NXPH1: variants seen among roughly 807,000 people sequenced by gnomAD.
NXPH1 encodes the protein neurexophilin-1.
NXPH1 carries 5 observed loss-of-function variants against 23.7 expected under a neutral mutation model. The ratio of observed to expected loss-of-function variants is 0.21; its 90% confidence interval spans 0.11 to 0.44. The LOEUF (loss-of-function observed/expected upper bound fraction) is 0.44. NXPH1 is among the 20% of genes least tolerant of loss of function. NXPH1 has a pLI of 0.99. For missense variants in NXPH1, 324 were observed against 321.6 expected (o/e 1.01, Z -0.06); for synonymous variants, 144 against 122.2 (o/e 1.18, Z -1.18).
chr7:8,719,134 C>T (rs1409302684), intron 2 of NXPH1, among the ~76,000 whole-genome samples: 1 of 152,208 alleles, frequency 6.6e-6, no homozygotes, highest in African/African-American at 2.4e-5. Flanking sequence ...TTTATAGTCT[C>T]TTAAAAATTT....
intron 2 of NXPH1, among the ~76,000 whole-genome samples, chr7:8,588,768 C>G (rs1268247464): frequency 1.3e-5 from 2 of 152,046 alleles, no homozygotes; most frequent in Non-Finnish European, 2.9e-5. Flanking sequence ...CCACCCTCCT[C>G]TAATTGGTGC....
chr7:8,692,080 T>C (rs1262120310), intron 2 of NXPH1, among the ~76,000 whole-genome samples: 1 of 151,706 alleles, frequency 6.6e-6, no homozygotes, highest in Non-Finnish European at 1.5e-5. Context: ...CAGAAGATGG[T>C]CAGGGAGGTT....
At chr7:8,640,993 T>G (rs1035300662) in intron 2 of NXPH1, among the ~76,000 whole-genome samples, 14 of 152,166 alleles carry the variant, frequency 9.2e-5, no homozygotes, top group African/African-American at 2.2e-4. Context: ...TAAAAAGTGT[T>G]ATTTATATTA....
chr7:8,717,359 C>G (rs1395894655), intron 2 of NXPH1, among the ~76,000 whole-genome samples: 4 of 152,096 alleles, frequency 2.6e-5, no homozygotes, highest in Admixed American at 2.6e-4. Context: ...CAAAGCAGAA[C>G]AGTTCTGAGA....
At chr7:8,448,962 G>A (rs1180244398) in intron 2 of NXPH1, among the ~76,000 whole-genome samples, 2 of 152,110 alleles carry the variant, frequency 1.3e-5, no homozygotes, top group Non-Finnish European at 2.9e-5. Flanking sequence ...ATTCCATGTG[G>A]CAAACACTAT....
At chr7:8,687,756 A>C (rs1460660529) in intron 2 of NXPH1, among the ~76,000 whole-genome samples, 1 of 152,188 alleles carries the variant, frequency 6.6e-6, no homozygotes, top group African/African-American at 2.4e-5. Context: ...GTGCTGGTAC[A>C]TGGTAATGTT....
chr7:8,435,369 G>A lies in NXPH1; in HGVS notation c.-110-235G>A, dbSNP rs1300380687. The A allele has an allele frequency of 1.6e-5, 6 of 375,838 alleles. No homozygotes were observed. The highest frequency in any genetic ancestry group is 1.3e-4 in the African/African-American group (6 of 47,366). The allele number at this position is 375,838 out of a possible 1,614,324, so 23.3% of individuals were successfully genotyped here. A position where few individuals can be genotyped will look rare whatever the true frequency, so the allele number is the denominator to read the frequency against. Reference sequence around the variant, plus strand: ...GCCTGGGAACTCGCACCCGAGGAGCGCAGGGGGCAAGGAGCCCCTCACCCT... The same window carrying A: ...GCCTGGGAACTCGCACCCGAGGAGCACAGGGGGCAAGGAGCCCCTCACCCT... On this transcript the variant is annotated intron_variant, in intron 1 of 2. Coordinates refer to ENST00000405863, the MANE Select transcript of NXPH1 (RefSeq NM_152745.3). This position sits in a 1 kb window ranked among gnomAD's most constrained non-coding sequence, Gnocchi z 5.9.
chr7:8,586,442 A>G (rs1363272723), intron 2 of NXPH1, among the ~76,000 whole-genome samples: 1 of 152,084 alleles, frequency 6.6e-6, no homozygotes, highest in Non-Finnish European at 1.5e-5. Context: ...ATGCAAGTAG[A>G]GACCACAGGA....
intron 2 of NXPH1, among the ~76,000 whole-genome samples, chr7:8,598,315 T>A (rs1004912165): frequency 6.6e-6 from 1 of 152,098 alleles, no homozygotes; most frequent in Non-Finnish European, 1.5e-5. Flanking sequence ...CCTTTTATAA[T>A]TCACCCCGTC....
rs75231806 is a variant in NXPH1 at position 8,643,500 on chromosome 7, C to A, written c.55-107508C>A. Among the ~76,000 whole-genome samples, 125 of 152,224 alleles carry A rather than the reference C, an allele frequency of 8.2e-4. 7 individuals are homozygous for A. The East Asian group carries it at 0.017, about 21-fold the overall frequency. On this transcript the variant is annotated intron_variant, in intron 2 of 2. Coordinates refer to ENST00000405863, the MANE Select transcript of NXPH1 (RefSeq NM_152745.3). ...GGTTATGTTAGCCTTTAGAAATGTT[C>A]TGGCTAATCTTTTGTTAATATGACA...
intron 2 of NXPH1, among the ~76,000 whole-genome samples, chr7:8,656,176 C>G (rs1820579186): frequency 6.6e-6 from 1 of 152,106 alleles, no homozygotes; most frequent in Non-Finnish European, 1.5e-5. Flanking sequence ...AAGAAGGAAA[C>G]GTAGCAAAGG....
At chr7:8,741,994 C>T (rs1426714495) in intron 2 of NXPH1, among the ~76,000 whole-genome samples, 2 of 152,090 alleles carry the variant, frequency 1.3e-5, no homozygotes, top group East Asian at 3.8e-4. Context: ...AAGAGTCTAA[C>T]ACATCTTTAA....
chr7:8,744,524 T>C (rs1780434704), intron 2 of NXPH1, among the ~76,000 whole-genome samples: 1 of 152,224 alleles, frequency 6.6e-6, no homozygotes, highest in Non-Finnish European at 1.5e-5. Flanking sequence ...AAGATATTCT[T>C]AGCATACTTC....
chr7:8,747,957 T>TACTA (rs1325622666), intron 2 of NXPH1, among the ~76,000 whole-genome samples: 1 of 152,182 alleles, frequency 6.6e-6, no homozygotes, highest in Non-Finnish European at 1.5e-5. Context: ...TAATGAAAAA[T>TACTA]ACTAACTCTG....
Position 8,440,556 on chromosome 7 carries a change from AT to A in NXPH1, c.54+4798del, listed in dbSNP as rs375972457. 5.7e-4 allele frequency among the ~76,000 whole-genome samples: 86 copies of A among 151,500 alleles called. 1 individual carries two copies. The highest frequency in any genetic ancestry group is 4.6e-3 in the Admixed American group (70 of 15,198). On this transcript the variant is annotated intron_variant, in intron 2 of 2. Coordinates refer to ENST00000405863, the MANE Select transcript of NXPH1 (RefSeq NM_152745.3). Reference sequence around the variant, plus strand: ...TATCAGGTGGCTGGGAAATTGGTTGATTTTTTTTTGAGATAGGTGCCCAGTG... The same window carrying A: ...TATCAGGTGGCTGGGAAATTGGTTGATTTTTTTTGAGATAGGTGCCCAGTG...
intron 2 of NXPH1, among the ~76,000 whole-genome samples, chr7:8,591,517 G>A (rs1819093222): frequency 6.6e-6 from 1 of 151,966 alleles, no homozygotes; most frequent in African/African-American, 2.4e-5. Context: ...CATGCTTTAA[G>A]ATTCTTATCT....
intron 2 of NXPH1, among the ~76,000 whole-genome samples, chr7:8,611,009 T>A (rs1363544915): frequency 6.6e-6 from 1 of 152,158 alleles, no homozygotes; most frequent in Non-Finnish European, 1.5e-5. Context: ...ATAATAGCCA[T>A]TGTGGCTGAA....
Position 8,648,448 on chromosome 7 carries a change from A to G in NXPH1, c.55-102560A>G, listed in dbSNP as rs1820431262. On this transcript the variant is annotated intron_variant, in intron 2 of 2. Transcript: ENST00000405863. ...TTCTGTGTCTGGCTTATTTCAGTGA[A>G]CACAAGGATCTCCAGTTCCACCCGC... 2.0e-5 allele frequency among the ~76,000 whole-genome samples: 3 copies of G among 152,202 alleles called. No individual in the cohort carries two copies. In the South Asian group the frequency reaches 6.2e-4, roughly 31 times the overall value.
At chr7:8,514,991 C>T (rs1427255830) in intron 2 of NXPH1, among the ~76,000 whole-genome samples, 1 of 152,098 alleles carries the variant, frequency 6.6e-6, no homozygotes, top group Non-Finnish European at 1.5e-5. Context: ...GCCTTTTCTC[C>T]CTTCCCAAAG....
Sources: gnomAD v4.1 joint callset for allele counts (sites outside exome capture counted in the v4.1 genomes callset) on GRCh38, gnomAD v4.1.1 for gene constraint, Gnocchi (gnomAD v3.1) non-coding constraint, MANE v1.5 for transcripts, NCBI Gene and HGNC (gene_info 2026-07-23, HGNC 2026-07-21) for gene names.